The following TGFBR3 variants were observed in gnomAD, a reference collection of about 807,000 sequenced individuals.
TGFBR3 encodes the protein transforming growth factor beta receptor 3.
A neutral mutation model predicts 87.9 loss-of-function variants in TGFBR3; 46 were observed. The ratio of observed to expected loss-of-function variants is 0.52; its 90% CI spans 0.41 to 0.67. The LOEUF (loss-of-function observed/expected upper bound fraction) is 0.67. Among genes scored for constraint, TGFBR3 ranks in the 30% least tolerant of loss-of-function variants. The pLI is 0.00. For synonymous variants in TGFBR3, 381 were observed against 391.6 expected, an observed-to-expected ratio of 0.97 and a Z score of 0.32; for missense variants, 866 against 1,041.9, an observed-to-expected ratio of 0.83 and a Z score of 2.32.
At chr1:91,877,412 C>T (rs549245298) in intron 1 of TGFBR3, among the ~76,000 whole-genome samples, 5 of 152,214 alleles carry the variant, frequency 3.3e-5, no homozygotes, top group Admixed American at 2.0e-4. Flanking sequence ...ACTGCAGCCT[C>T]GACCTCCTGG....
intron 2 of TGFBR3, among the ~76,000 whole-genome samples, chr1:91,840,190 C>T (rs1411706943): frequency 6.6e-6 from 1 of 151,162 alleles, no homozygotes; most frequent in Non-Finnish European, 1.5e-5. Context: ...GGTATGGTGG[C>T]GTGCACCTGA....
chr1:91,797,805 T>A (rs1675445346), intron 2 of TGFBR3, among the ~76,000 whole-genome samples: 1 of 152,220 alleles, frequency 6.6e-6, no homozygotes, highest in South Asian at 2.1e-4. Flanking sequence ...ATAAATTGCT[T>A]AAAGTCCCAA....
At chr1:91,902,417 A>G (rs570067086) in intron 1 of TGFBR3, among the ~76,000 whole-genome samples, 115 of 151,930 alleles carry the variant, frequency 7.6e-4, no homozygotes, top group African/African-American at 2.6e-3. Flanking sequence ...CTGAGATGAC[A>G]GACGCATACA....
intron 3 of TGFBR3, among the ~76,000 whole-genome samples, chr1:91,787,463 G>A (rs1398700554): frequency 6.6e-6 from 1 of 152,172 alleles, no homozygotes; most frequent in Non-Finnish European, 1.5e-5. Flanking sequence ...CACAGTGACA[G>A]CCACTCCTCC....
intron 3 of TGFBR3, among the ~76,000 whole-genome samples, chr1:91,777,792 G>A (rs879117596): frequency 2.0e-5 from 3 of 152,134 alleles, no homozygotes; most frequent in African/African-American, 2.4e-5. Flanking sequence ...CTGGATGCAC[G>A]GTGACCGTGA....
chr1:91,807,901 GATGCACTATATGTGAAA>G (rs1476841016), intron 2 of TGFBR3, among the ~76,000 whole-genome samples: 2 of 152,164 alleles, frequency 1.3e-5, no homozygotes, highest in East Asian at 3.8e-4. Context: ...TAGATCAAAT[GATGCACTATATGTGAAA>G]ACGCTTTACA....
At chr1:91,802,982 C>T (rs1158843768) in intron 2 of TGFBR3, among the ~76,000 whole-genome samples, 1 of 152,158 alleles carries the variant, frequency 6.6e-6, no homozygotes. Flanking sequence ...CTGCAAGATG[C>T]TCTTAATTCT....
At chr1:91,795,289 C>T (rs533042563) in intron 3 of TGFBR3, among the ~76,000 whole-genome samples, 3 of 152,282 alleles carry the variant, frequency 2.0e-5, no homozygotes, top group East Asian at 3.9e-4. Flanking sequence ...ATATACTATA[C>T]TAATATCGAA....
chr1:91,884,732 G>A (rs1679228090), intron 1 of TGFBR3, among the ~76,000 whole-genome samples: 1 of 152,322 alleles, frequency 6.6e-6, no homozygotes, highest in South Asian at 2.1e-4. Context: ...CACACAGTAT[G>A]GGCTTAGAAA....
chr1:91,798,856 G>A (rs1274087001), intron 2 of TGFBR3, among the ~76,000 whole-genome samples: 3 of 152,206 alleles, frequency 2.0e-5, no homozygotes, highest in Non-Finnish European at 2.9e-5. Context: ...TTTGGCTGTA[G>A]GGAATAAGGG....
At chr1:91,858,484 G>A (rs1392877958) in intron 2 of TGFBR3, among the ~76,000 whole-genome samples, 1 of 151,690 alleles carries the variant, frequency 6.6e-6, no homozygotes, top group Non-Finnish European at 1.5e-5. Flanking sequence ...GCGTGGCAGC[G>A]TGTGCCTGTA....
intron 12 of TGFBR3, among the ~76,000 whole-genome samples, chr1:91,715,589 C>T (rs1316042035): frequency 3.3e-5 from 5 of 152,106 alleles, no homozygotes; most frequent in South Asian, 2.1e-4. Flanking sequence ...TCATTATTAC[C>T]GCCACTGCCT....
Position 91,683,588 on chromosome 1 carries a change from A to ATCTTTATACTGAAATTCACTCTG in TGFBR3, c.*128_*150dup. ...GGGTGTGGGGTGAATACAACGGGTGATCTTTATACTGAAATTCACTCTGTC... is the reference window on the plus strand; with the variant it reads ...GGGTGTGGGGTGAATACAACGGGTGATCTTTATACTGAAATTCACTCTGTCTTTATACTGAAATTCACTCTGTC... On this transcript the variant is annotated 3_prime_UTR_variant, in exon 17 of 17. Transcript: ENST00000212355. The ATCTTTATACTGAAATTCACTCTG allele has an allele frequency of 1.4e-6, 1 of 715,948 alleles. No individual in the cohort carries two copies. The highest frequency in any genetic ancestry group is 2.7e-5 in the East Asian group (1 of 37,210). The allele number at this position is 715,948 out of a possible 1,614,324, so 44.3% of individuals were successfully genotyped here. A position where few individuals can be genotyped will look rare whatever the true frequency, so the allele number is the denominator to read the frequency against.
intron 3 of TGFBR3, among the ~76,000 whole-genome samples, chr1:91,765,154 G>A (rs116755186): frequency 0.012 from 1,796 of 151,434 alleles, 32 homozygotes; most frequent in African/African-American, 0.041. Flanking sequence ...CCAAAAGATC[G>A]GACGCCCTGG....
chr1:91,812,412 G>A (rs922492022), intron 2 of TGFBR3, among the ~76,000 whole-genome samples: 5 of 152,082 alleles, frequency 3.3e-5, no homozygotes, highest in Non-Finnish European at 7.4e-5. Flanking sequence ...TCAGTTTTAA[G>A]GAAAATCTGC....
intron 16 of TGFBR3, among the ~76,000 whole-genome samples, chr1:91,689,334 C>T (rs1351493309): frequency 6.6e-6 from 1 of 152,168 alleles, no homozygotes; most frequent in Non-Finnish European, 1.5e-5. Context: ...TGGGTTTCTG[C>T]CTGAGCCAAT....
intron 13 of TGFBR3, among the ~76,000 whole-genome samples, chr1:91,710,031 C>A (rs1331916500): frequency 6.6e-6 from 1 of 152,182 alleles, no homozygotes; most frequent in Non-Finnish European, 1.5e-5. Flanking sequence ...GGATGACAGG[C>A]ATGAGCCCAC....
chr1:91,686,264 T>C (rs1254076353), intron 16 of TGFBR3, among the ~76,000 whole-genome samples: 1 of 152,228 alleles, frequency 6.6e-6, no homozygotes, highest in Non-Finnish European at 1.5e-5. Context: ...TTTATTTTCA[T>C]CCGTGCCCAT....
In TGFBR3 at chr1:91,695,585, G is replaced by A. The variant is rs943856148; in HGVS notation, c.2437+87C>T. 14 of 1,093,338 alleles carry A rather than the reference G, an allele frequency of 1.3e-5. No homozygotes were observed. In the Admixed American group the frequency reaches 1.7e-4, roughly 13 times the overall value. The allele number at this position is 1,093,338 out of a possible 1,614,324, so 67.7% of individuals were successfully genotyped here. Reference sequence around the variant, plus strand: ...TAGGAATGAACTTTCTCTTTCATTCGTTATTTCATCCAACAAAACACTGAG... The same window carrying A: ...TAGGAATGAACTTTCTCTTTCATTCATTATTTCATCCAACAAAACACTGAG... On this transcript the variant is annotated intron_variant, in intron 16 of 16. Transcript: ENST00000212355.
Sources: allele counts gnomAD v4.1 joint callset (sites outside exome capture counted in the v4.1 genomes callset), GRCh38; gene constraint gnomAD v4.1.1; transcripts MANE v1.5; gene names NCBI Gene and HGNC (gene_info 2026-07-23, HGNC 2026-07-21).